CNTN5: variants seen among roughly 807,000 people sequenced by gnomAD.
The protein encoded by CNTN5 is contactin-5.
A neutral mutation model predicts 129.1 loss-of-function variants in CNTN5; 77 were observed. The observed-to-expected ratio is 0.60, with a 90% CI of 0.50 to 0.72. The LOEUF is 0.72. Ranked by LOEUF, CNTN5 falls within the 30% of genes least tolerant of loss-of-function variation. The pLI, the probability that CNTN5 is intolerant of heterozygous loss-of-function variation, is 0.00. For missense variants in CNTN5, 1,478 were observed against 1,328.8 expected, an observed-to-expected ratio of 1.11 and a Z score of -1.75; for synonymous variants, 509 against 465.6, an observed-to-expected ratio of 1.09 and a Z score of -1.20.
chr11:99,816,750 A>C (rs778401607), intron 3 of CNTN5, among the ~76,000 whole-genome samples: 7 of 152,172 alleles, frequency 4.6e-5, no homozygotes, highest in Non-Finnish European at 7.3e-5. Context: ...TTAACATGAC[A>C]TGCTAGACGT....
chr11:99,588,752 G>T (rs2135658472), intron 3 of CNTN5, among the ~76,000 whole-genome samples: 1 of 152,260 alleles, frequency 6.6e-6, no homozygotes, highest in African/African-American at 2.4e-5. Flanking sequence ...GGGAAATCCA[G>T]GATGGTGGCA....
intron 3 of CNTN5, among the ~76,000 whole-genome samples, chr11:99,653,831 T>C (rs1044337163): frequency 6.6e-6 from 1 of 152,072 alleles, no homozygotes; most frequent in Non-Finnish European, 1.5e-5. Context: ...TTCTTCATAA[T>C]GAACAGAGTA....
chr11:99,545,532 T>C (rs1948262093), intron 2 of CNTN5, among the ~76,000 whole-genome samples: 1 of 152,202 alleles, frequency 6.6e-6, no homozygotes, highest in Non-Finnish European at 1.5e-5. Context: ...TTTATTTCTC[T>C]TGCTAGAGAC....
At position 99,154,226 on chromosome 11, in the gene CNTN5, A is replaced by G. The variant is rs192088368; in HGVS notation, c.-210+132956A>G. On this transcript the variant is annotated intron_variant, in intron 1 of 24. Transcript: ENST00000524871. Reference sequence around the variant, plus strand: ...CAGTGTTCCTGCACATGCTCACTCCAGCGGCATGGTATGGGTGGGTTATGG... The same window carrying G: ...CAGTGTTCCTGCACATGCTCACTCCGGCGGCATGGTATGGGTGGGTTATGG... 1.6e-3 allele frequency among the ~76,000 whole-genome samples: 245 copies of G among 152,276 alleles called. 2 individuals are homozygous for G. Among genetic ancestry groups the G allele is most frequent in the African/African-American group, 5.6e-3 (234 of 41,558 alleles).
intron 1 of CNTN5, among the ~76,000 whole-genome samples, chr11:99,233,104 G>A (rs1471608930): frequency 6.6e-6 from 1 of 152,096 alleles, no homozygotes; most frequent in East Asian, 1.9e-4. Context: ...GGCCTTCAAG[G>A]CTTCTTTCCC....
At chr11:99,844,577 AAAAC>A (rs1565596268) in intron 4 of CNTN5, 2 of 405,906 alleles carry the variant, frequency 4.9e-6, no homozygotes. Context: ...TTGAAAAATG[AAAAC>A]AAAGATATAT....
chr11:99,691,415 G>A (rs538489887), intron 3 of CNTN5, among the ~76,000 whole-genome samples: 2 of 151,996 alleles, frequency 1.3e-5, no homozygotes, highest in African/African-American at 4.8e-5. Context: ...TAACACTGTG[G>A]TAGCTGTGTC....
intron 1 of CNTN5, among the ~76,000 whole-genome samples, chr11:99,124,648 G>A (rs561409508): frequency 4.5e-4 from 68 of 151,354 alleles, no homozygotes; most frequent in African/African-American, 1.6e-3. Flanking sequence ...GAGATGAGAA[G>A]AGCTATACAA....
chr11:100,132,098 A>T (rs1699577317), intron 13 of CNTN5, among the ~76,000 whole-genome samples: 1 of 152,100 alleles, frequency 6.6e-6, no homozygotes, highest in Admixed American at 6.6e-5. Context: ...AAGCCAAATC[A>T]TATATAGCCA....
chr11:99,745,116 C>T (rs2135182564), intron 3 of CNTN5, among the ~76,000 whole-genome samples: 1 of 152,216 alleles, frequency 6.6e-6, no homozygotes, highest in African/African-American at 2.4e-5. Flanking sequence ...ATTGGCAGAC[C>T]TAAAATATAT....
intron 21 of CNTN5, 32 bp downstream of exon 21, chr11:100,308,500 T>C (rs1273576107): frequency 3.8e-6 from 6 of 1,586,208 alleles, no homozygotes; most frequent in Non-Finnish European, 5.2e-6. Context: ...ATAAGCCTTA[T>C]TGTTTCTTCT....
intron 13 of CNTN5, among the ~76,000 whole-genome samples, chr11:100,119,257 T>C (rs1463503859): frequency 6.6e-6 from 1 of 151,882 alleles, no homozygotes. Flanking sequence ...AAACACATAT[T>C]ACTACAGCCA....
intron 8 of CNTN5, among the ~76,000 whole-genome samples, chr11:99,991,634 T>C (rs1939104808): frequency 6.6e-6 from 1 of 152,206 alleles, no homozygotes; most frequent in African/African-American, 2.4e-5. Context: ...CACTGTTTTT[T>C]CATCTCTCCT....
intron 2 of CNTN5, among the ~76,000 whole-genome samples, chr11:99,353,751 C>T (rs1216443481): frequency 2.0e-5 from 3 of 152,130 alleles, no homozygotes; most frequent in Non-Finnish European, 4.4e-5. Flanking sequence ...GCTGTGCATC[C>T]TGATTGTCCT....
At chr11:99,358,522 C>G (rs1378327309) in intron 2 of CNTN5, among the ~76,000 whole-genome samples, 2 of 151,414 alleles carry the variant, frequency 1.3e-5, no homozygotes, top group East Asian at 4.0e-4. Flanking sequence ...GATCGCGCCA[C>G]TGCACTCCAG....
At chr11:99,427,620 G>A (rs542508127) in intron 2 of CNTN5, among the ~76,000 whole-genome samples, 1 of 151,760 alleles carries the variant, frequency 6.6e-6, no homozygotes, top group South Asian at 2.1e-4. Flanking sequence ...CAAAAAATTA[G>A]CTGGGCATGG....
chr11:99,973,531 T>C (rs935498130), intron 8 of CNTN5, among the ~76,000 whole-genome samples: 5 of 152,174 alleles, frequency 3.3e-5, no homozygotes, highest in African/African-American at 1.2e-4. Context: ...ATGCTCTACC[T>C]GATTTTTCTC....
chr11:100,047,411 C>G (rs1160990896), intron 9 of CNTN5, among the ~76,000 whole-genome samples: 3 of 152,100 alleles, frequency 2.0e-5, no homozygotes, highest in African/African-American at 4.8e-5. Flanking sequence ...AAATTAGCTG[C>G]ATGCCAGAAA....
intron 13 of CNTN5, among the ~76,000 whole-genome samples, chr11:100,105,197 G>A (rs1945379753): frequency 6.6e-6 from 1 of 152,200 alleles, no homozygotes; most frequent in Middle Eastern, 3.2e-3. Context: ...TTCTGCTGCT[G>A]AGGGGGAGAG....
Sources: gnomAD v4.1 joint callset for allele counts (sites outside exome capture counted in the v4.1 genomes callset) on GRCh38, gnomAD v4.1.1 for gene constraint, MANE v1.5 for transcripts, NCBI Gene and HGNC (gene_info 2026-07-23, HGNC 2026-07-21) for gene names.